The following GMDS variants were observed in gnomAD, a reference collection of about 807,000 sequenced individuals.
The protein encoded by GMDS is GDP-mannose 4,6-dehydratase, also known as GDP-mannose 4,6 dehydratase.
GMDS carries 20 observed loss-of-function variants against 49.9 expected under a neutral mutation model. The ratio of observed to expected loss-of-function variants is 0.40; its 90% CI spans 0.28 to 0.58. The LOEUF is 0.58. GMDS is among the 20% of genes least tolerant of loss of function. The pLI is 0.42. For missense variants in GMDS, 362 were observed against 481.4 expected (o/e 0.75, Z 2.32); for synonymous variants, 177 against 178.6 (o/e 0.99, Z 0.07).
At chr6:2,236,692 A>G (rs3800191) in intron 1 of GMDS, among the ~76,000 whole-genome samples, 29,351 of 152,176 alleles carry the variant, frequency 0.19, 3,049 homozygotes, top group South Asian at 0.28. Flanking sequence ...GTGAAAAGTG[A>G]TAGAAATACA....
intron 7 of GMDS, among the ~76,000 whole-genome samples, chr6:1,896,658 G>T (rs1760210128): frequency 6.6e-6 from 1 of 152,144 alleles, no homozygotes; most frequent in Admixed American, 6.5e-5. Context: ...GTGTTGGTGT[G>T]CTGCAGGGGT....
chr6:1,703,609 G>T (rs2113371660), intron 9 of GMDS, among the ~76,000 whole-genome samples: 1 of 152,328 alleles, frequency 6.6e-6, no homozygotes, highest in East Asian at 1.9e-4. Flanking sequence ...GCAGCACGCT[G>T]GCCACTGTGC....
At chr6:1,974,516 A>G (rs571050684) in intron 4 of GMDS, among the ~76,000 whole-genome samples, 1 of 152,244 alleles carries the variant, frequency 6.6e-6, no homozygotes, top group East Asian at 1.9e-4. Flanking sequence ...TTTTCTCTCT[A>G]TTTGCTGTGG....
At chr6:1,759,698 G>A (rs1000876419) in intron 7 of GMDS, among the ~76,000 whole-genome samples, 6 of 152,290 alleles carry the variant, frequency 3.9e-5, no homozygotes, top group Admixed American at 6.5e-5. Context: ...AGGAAAAAGC[G>A]TTTTAAAAGT....
At chr6:1,790,594 C>T (rs1423767096) in intron 7 of GMDS, among the ~76,000 whole-genome samples, 2 of 152,090 alleles carry the variant, frequency 1.3e-5, no homozygotes, top group African/African-American at 4.8e-5. Context: ...TCCAACATAT[C>T]GAGGTTTTCT....
intron 7 of GMDS, among the ~76,000 whole-genome samples, chr6:1,765,635 G>A (rs924099884): frequency 6.6e-6 from 1 of 152,132 alleles, no homozygotes; most frequent in Non-Finnish European, 1.5e-5. Flanking sequence ...AGGGTCACGC[G>A]GCGGCTGAGC....
chr6:2,127,434 G>A (rs1351516596), intron 1 of GMDS, among the ~76,000 whole-genome samples: 8 of 151,660 alleles, frequency 5.3e-5, no homozygotes, highest in Non-Finnish European at 8.8e-5. Context: ...AGAGGTAAAC[G>A]TGCTAGAGAT....
At chr6:1,653,695 C>T (rs9502992) in intron 9 of GMDS, among the ~76,000 whole-genome samples, 3,355 of 152,222 alleles carry the variant, frequency 0.022, 103 homozygotes, top group African/African-American at 0.076. Context: ...GACCACACTA[C>T]GGGGAAAGAA....
intron 7 of GMDS, among the ~76,000 whole-genome samples, chr6:1,920,359 C>G (rs1329496534): frequency 2.0e-5 from 3 of 152,140 alleles, no homozygotes; most frequent in African/African-American, 7.2e-5. Flanking sequence ...TTATTTCCTG[C>G]AATAAAGGTG....
chr6:2,161,022 T>A (rs60813424), intron 1 of GMDS, among the ~76,000 whole-genome samples: 16,689 of 152,218 alleles, frequency 0.11, 3,025 homozygotes, highest in African/African-American at 0.38. Context: ...TGTTAACTTT[T>A]TTTTTTTGAG....
chr6:1,746,439 G>A (rs959725633), intron 7 of GMDS, among the ~76,000 whole-genome samples: 7 of 152,150 alleles, frequency 4.6e-5, no homozygotes, highest in African/African-American at 1.7e-4. Flanking sequence ...CAGGGCTTCA[G>A]ATTCTTTAAC....
intron 4 of GMDS, among the ~76,000 whole-genome samples, chr6:1,965,769 G>C (rs1232356211): frequency 6.6e-6 from 1 of 152,110 alleles, no homozygotes; most frequent in Non-Finnish European, 1.5e-5. Context: ...GGAGGTTGAG[G>C]CTCCAGTGAG....
chr6:2,154,863 C>CAAAAA (rs70992124), intron 1 of GMDS, among the ~76,000 whole-genome samples: 37 of 65,614 alleles, frequency 5.6e-4, no homozygotes, highest in African/African-American at 7.9e-4. Context: ...TGAAGAGATG[C>CAAAAA]AAAAAAAAAA....
chr6:1,764,224 G>C (rs1405665310), intron 7 of GMDS, among the ~76,000 whole-genome samples: 1 of 152,140 alleles, frequency 6.6e-6, no homozygotes, highest in Non-Finnish European at 1.5e-5. Context: ...TTAAAGCTGG[G>C]AATGTGCTGT....
intron 7 of GMDS, among the ~76,000 whole-genome samples, chr6:1,769,217 G>T (rs1051896729): frequency 1.3e-5 from 2 of 152,182 alleles, no homozygotes; most frequent in Non-Finnish European, 2.9e-5. Flanking sequence ...CTGGGTTTAC[G>T]GAGATAAAGA....
At chr6:1,662,938 G>A (rs950350495) in intron 9 of GMDS, among the ~76,000 whole-genome samples, 3 of 152,174 alleles carry the variant, frequency 2.0e-5, no homozygotes, top group South Asian at 2.1e-4. Context: ...TCCTCCCAAC[G>A]AGACTGTCAG....
chr6:2,218,141 C>G (rs1780421901), intron 1 of GMDS, among the ~76,000 whole-genome samples: 1 of 152,204 alleles, frequency 6.6e-6, no homozygotes, highest in East Asian at 1.9e-4. Context: ...CACCCCAAGC[C>G]TGACCATTTT....
intron 1 of GMDS, among the ~76,000 whole-genome samples, chr6:2,192,666 C>T (rs1330870012): frequency 6.6e-6 from 1 of 152,222 alleles, no homozygotes; most frequent in East Asian, 1.9e-4. Flanking sequence ...GCCGCAGCCT[C>T]ACAGAGAGCC....
intron 4 of GMDS, among the ~76,000 whole-genome samples, chr6:2,076,971 C>T (rs1017073743): frequency 3.3e-5 from 5 of 152,068 alleles, no homozygotes; most frequent in African/African-American, 9.7e-5. Context: ...TCTTCTATTT[C>T]GTTCATCCAT....
Sources: allele counts gnomAD v4.1 joint callset (sites outside exome capture counted in the v4.1 genomes callset), GRCh38; gene constraint gnomAD v4.1.1; transcripts MANE v1.5; gene names NCBI Gene and HGNC (gene_info 2026-07-23, HGNC 2026-07-21).